The following ARSD variants were observed in gnomAD, a reference collection of about 807,000 sequenced individuals.
ARSD encodes the protein testis tissue sperm-binding protein Li 39a.
ARSD carries 21 observed loss-of-function variants against 32.6 expected under a neutral mutation model. The ratio of observed to expected loss-of-function variants is 0.64; its 90% CI spans 0.46 to 0.93. The LOEUF (loss-of-function observed/expected upper bound fraction) is 0.93, where lower values mean the gene tolerates loss of function less well. ARSD is among the 40% of genes least tolerant of loss of function. The probability of loss-of-function intolerance (pLI) is 0.00; values close to 1 mark genes in which losing one functional copy is unlikely to be tolerated. For missense variants in ARSD, 454 were observed against 520.9 expected, an observed-to-expected ratio of 0.87 and a Z score of 1.25; for synonymous variants, 224 against 237.4, an observed-to-expected ratio of 0.94 and a Z score of 0.52.
Position 2,909,859 on chromosome X carries a change from G to A in ARSD, c.1256C>T (p.Pro419Leu). The change falls in exon 8 of 10, where the codon CCT becomes CTT. Residue 419 changes from proline (P) to leucine (L), a missense_variant. This residue lies in a region of ARSD where 179 missense variants were observed against 198.5 expected (regional missense o/e 0.90). Coordinates refer to ENST00000381154, the MANE Select transcript of ARSD (RefSeq NM_001669.4). Reference sequence around the variant, plus strand: ...GCCACCCACCAGCTGGACCACAGTAGGGAACACGTCCATCAGGCTCGTGGG... The same window carrying A: ...GCCACCCACCAGCTGGACCACAGTAAGGAACACGTCCATCAGGCTCGTGGG... Reference protein sequence around the residue: ...GEPTSLMDVFPTVVQLVGGEV... With the variant: ...GEPTSLMDVFLTVVQLVGGEV... 1 of 1,210,732 alleles carries A rather than the reference G, an allele frequency of 8.3e-7. No homozygotes were observed. The highest frequency in any genetic ancestry group is 3.0e-5 in the East Asian group (1 of 33,792).
intron 6 of ARSD, among the ~76,000 whole-genome samples, chrX:2,912,904 C>A (rs766398220): frequency 4.4e-5 from 5 of 112,406 alleles, no homozygotes; most frequent in Non-Finnish European, 7.5e-5. Flanking sequence ...ATGATATAAA[C>A]CACAAGGTCA....
In ARSD at chrX:2,914,713, C is replaced by A. The variant is rs753345035; in HGVS notation, c.1000+843G>T. The A allele has an allele frequency of 1.8e-5, 18 of 1,025,975 alleles. No homozygotes were observed. In the African/African-American group the frequency reaches 3.3e-4, roughly 19 times the overall value. 84.6% of individuals were successfully genotyped at this position (1,025,975 alleles called of 1,213,427 possible). A position where few individuals can be genotyped will look rare whatever the true frequency, so the allele number is the denominator to read the frequency against. On this transcript the variant is annotated intron_variant, in intron 6 of 9. Coordinates refer to ENST00000381154, the MANE Select transcript of ARSD (RefSeq NM_001669.4). ...AGGAAGACAGCGTGTCTGCATTGTC[C>A]TGAACATTAACTTTATCGCTTCACT...
chrX:2,913,588 T>C (rs764507849), intron 6 of ARSD: 244 of 1,001,424 alleles, frequency 2.4e-4, no homozygotes, highest in Non-Finnish European at 3.0e-4. Context: ...TACACTCTCT[T>C]AAGAATCTGC....
chrX:2,921,828 G>A (rs1361403786), intron 3 of ARSD, 75 bp downstream of exon 3: 4 of 1,128,273 alleles, frequency 3.5e-6, no homozygotes, highest in Non-Finnish European at 4.8e-6. Flanking sequence ...TTCACCATCA[G>A]TACTCAACTG....
intron 2 of ARSD, among the ~76,000 whole-genome samples, chrX:2,922,900 AAG>A (rs1444020637): frequency 9.4e-6 from 1 of 106,007 alleles, no homozygotes; most frequent in African/African-American, 3.6e-5. Flanking sequence ...GAAAGAAAGA[AAG>A]AAAGAAAAGG....
intron 9 of ARSD, among the ~76,000 whole-genome samples, chrX:2,908,205 A>T (rs1229935233): frequency 9.0e-6 from 1 of 110,987 alleles, no homozygotes; most frequent in African/African-American, 3.3e-5. Flanking sequence ...CCATCTATTC[A>T]TCCATCCATG....
In ARSD at chrX:2,918,064, C is replaced by G; in HGVS notation, c.603G>C (p.Trp201Cys). The stretch of plus-strand genomic sequence containing the variant: ...CCAGCGCCAGGAACTGGGTGTAACC[C>G]CAGAGCTGCGCCCTCAGGGCGGCGT... Reference protein sequence around the residue: ...EVDAALRAQLWGYTQFLALGI... With the variant: ...EVDAALRAQLCGYTQFLALGI... Residue 201 changes from tryptophan (W) to cysteine (C), a missense_variant, in exon 5 of 10, where the codon TGG becomes TGC. Physicochemically the swap from Trp to Cys is radical, Grantham distance 215. Coordinates refer to ENST00000381154, the MANE Select transcript of ARSD (RefSeq NM_001669.4). The G allele has an allele frequency of 2.5e-6, 3 of 1,201,135 alleles. No homozygotes were observed. Among genetic ancestry groups the G allele is most frequent in the Non-Finnish European group, 3.4e-6 (3 of 889,933 alleles).
At chrX:2,917,533 G>A (rs1473345915) in intron 5 of ARSD, among the ~76,000 whole-genome samples, 4 of 110,559 alleles carry the variant, frequency 3.6e-5, no homozygotes, top group Non-Finnish European at 7.6e-5. Flanking sequence ...AAGTACAGTG[G>A]TGTGATCATT....
chrX:2,913,554 A>T (rs2088921049), intron 6 of ARSD: 31 of 985,368 alleles, frequency 3.1e-5, no homozygotes, highest in Middle Eastern at 5.9e-4. Flanking sequence ...AGATATGTTC[A>T]GATTCTGCAA....
At chrX:2,910,065 A>G in intron 7 of ARSD, 86 bp from the exon 8 acceptor site, 1 of 1,117,029 alleles carries the variant, frequency 9.0e-7, no homozygotes, top group Non-Finnish European at 1.2e-6. Context: ...TAGGTATGTG[A>G]ATACGCACAG....
In ARSD at chrX:2,909,960, T is replaced by G; in HGVS notation, c.1155A>C (p.Gly385=). ...GIYKGGKGMG[G]WEGGIRVPGI... ...CGGGCACGCGGATCCCACCTTCCCA[T>G]CCTCCCATGCCCTTCCCACCTGTAA... is the stretch of plus-strand genomic sequence containing the variant. Residue 385 remains glycine, a synonymous_variant, in exon 8 of 10, where the codon GGA becomes GGC. Coordinates refer to ENST00000381154, the MANE Select transcript of ARSD (RefSeq NM_001669.4). 1 of 1,210,510 alleles carries G rather than the reference T, an allele frequency of 8.3e-7. No homozygotes were observed.
chrX:2,911,635 A>C (rs1293807828), intron 6 of ARSD, among the ~76,000 whole-genome samples: 3 of 100,386 alleles, frequency 3.0e-5, no homozygotes, highest in Non-Finnish European at 6.0e-5. Context: ...GCACCACTGC[A>C]CTCCAGCCTG....
Position 2,925,718 on chromosome X carries a change from C to T in ARSD, c.92G>A (p.Cys31Tyr). The change falls in exon 2 of 10, where the codon TGT becomes TAT. Residue 31 changes from cysteine to tyrosine, a missense_variant. By Grantham distance (194) the Cys-to-Tyr change is radical. Around this residue, in one of 3 missense-constraint regions of ARSD, gnomAD observed 271 missense variants for 301.0 expected, o/e 0.90. Transcript: ENST00000381154. ...AAAGGCATTTGCAGTTTTAGGTTCA[C>T]ACGTCTTCAGAAGCAAGCATAAAAA... The part of the protein sequence containing the change: ...LLFLCLLLKT[C>Y]EPKTANAFKP... 1 of 1,210,840 alleles carries T rather than the reference C, an allele frequency of 8.3e-7. No individual in the cohort carries two copies. The highest frequency in any genetic ancestry group is 1.1e-6 in the Non-Finnish European group (1 of 894,952).
intron 6 of ARSD, chrX:2,914,438 C>A: frequency 7.8e-6 from 4 of 510,460 alleles, no homozygotes; most frequent in Non-Finnish European, 1.0e-5. Flanking sequence ...GGGCGTCTCA[C>A]TATGTTGCCC....
Position 2,918,428 on chromosome X carries a change from T to C in ARSD, c.440-201A>G, listed in dbSNP as rs1306118460. On this transcript the variant is annotated intron_variant, in intron 4 of 9. Coordinates refer to ENST00000381154, the MANE Select transcript of ARSD (RefSeq NM_001669.4). ...CCGTGAAGACTAACGAATGCATCCA[T>C]GTCAGAACCCTTGGCAAGTGATTAA... Among the ~76,000 whole-genome samples the C allele has an allele frequency of 3.5e-5, 4 of 112,838 alleles. No individual in the cohort carries two copies. In the Admixed American group the frequency reaches 3.7e-4, roughly 11 times the overall value.
intron 9 of ARSD, 89 bp downstream of exon 9, chrX:2,908,632 A>G: frequency 1.2e-6 from 1 of 864,911 alleles, no homozygotes. Context: ...CCATCCATTC[A>G]TCCATCCATC....
At position 2,927,846 on chromosome X, in the gene ARSD, T is replaced by C. The variant is rs1011557240; in HGVS notation, c.44+1386A>G. ...GGCTGCTGCCTGCAACCAATCAGAC[T>C]GATCGCGGGCCACCACTTCAGTTAC... On this transcript the variant is annotated intron_variant, in intron 1 of 9. Coordinates refer to ENST00000381154, the MANE Select transcript of ARSD (RefSeq NM_001669.4). Among the ~76,000 whole-genome samples the C allele has an allele frequency of 1.7e-4, 19 of 111,366 alleles. No individual in the cohort carries two copies. In the Admixed American group the frequency reaches 1.7e-3, roughly 10 times the overall value.
At chrX:2,926,052 C>G (rs1015892630) in intron 1 of ARSD, among the ~76,000 whole-genome samples, 1 of 111,924 alleles carries the variant, frequency 8.9e-6, no homozygotes, top group East Asian at 2.8e-4. Context: ...GAAATTCTCT[C>G]CCAACCAACT....
intron 1 of ARSD, among the ~76,000 whole-genome samples, chrX:2,926,367 A>C (rs1478698222): frequency 8.9e-6 from 1 of 111,937 alleles, no homozygotes; most frequent in Non-Finnish European, 1.9e-5. Flanking sequence ...AAACTTGTTT[A>C]ATCCTAAATG....
Sources: allele counts gnomAD v4.1 joint callset (sites outside exome capture counted in the v4.1 genomes callset), GRCh38; gene constraint gnomAD v4.1.1; regional missense constraint gnomAD v4.1.1; transcripts MANE v1.5; gene names NCBI Gene and HGNC (gene_info 2026-07-23, HGNC 2026-07-21).